The following SLC13A5 variants were observed in gnomAD, a reference collection of about 807,000 sequenced individuals.
SLC13A5 encodes Na(+)/citrate cotransporter.
In SLC13A5, 25 loss-of-function variants were observed where a neutral mutation model predicts 56.5. The ratio of observed to expected loss-of-function variants is 0.44; its 90% confidence interval spans 0.32 to 0.62. SLC13A5 has a LOEUF of 0.62. Ranked by LOEUF, SLC13A5 falls within the 20% of genes least tolerant of loss-of-function variation. The pLI is 0.04. For missense variants in SLC13A5, 649 were observed against 737.8 expected (o/e 0.88, Z 1.39); for synonymous variants, 307 against 301.5 (o/e 1.02, Z -0.19).
intron 9 of SLC13A5, among the ~76,000 whole-genome samples, chr17:6,691,550 T>C (rs1876730): frequency 0.09 from 13,718 of 152,238 alleles, 679 homozygotes; most frequent in African/African-American, 0.12. Flanking sequence ...GGACAGAGCC[T>C]GGGCAGACAC....
At position 6,703,257 on chromosome 17, in the gene SLC13A5, C is replaced by T. The variant is rs16956170; in HGVS notation, c.548-119G>A. The T allele has an allele frequency of 0.11, 134,561 of 1,232,450 alleles. 9,329 individuals are homozygous for T. The highest frequency in any genetic ancestry group is 0.34 in the East Asian group (13,584 of 40,328). 76.3% of individuals were successfully genotyped at this position (1,232,450 alleles called of 1,614,324 possible). ...AATCCCAGCTCTGCTGATTTAGCTG[C>T]CCCACTGGGCTCCATAAGAGTTGCT... On this transcript the variant is annotated intron_variant, in intron 4 of 11. Coordinates refer to ENST00000433363, the MANE Select transcript of SLC13A5 (RefSeq NM_177550.5).
At chr17:6,704,449 G>T in intron 3 of SLC13A5, 1 of 351,142 alleles carries the variant, frequency 2.8e-6, no homozygotes, top group South Asian at 2.2e-5. Flanking sequence ...ATACCCCTAT[G>T]TGCAGGCAGC....
rs1491439101 is a variant in SLC13A5, at chr17:6,711,427, T to TC, written c.102+1804_102+1805insG. On this transcript the variant is annotated intron_variant, in intron 1 of 11. Transcript: ENST00000433363. The surrounding 1 kb of genome is among the most constrained non-coding windows in gnomAD (Gnocchi z 4.0). ...AGCTTAATCTCTCTCTCTCTCTCTC[T>TC]TACACACACACACATACACACACAT... 9.5e-5 allele frequency among the ~76,000 whole-genome samples: 13 copies of TC among 136,330 alleles called. No homozygotes were observed. The highest frequency in any genetic ancestry group is 4.0e-4 in the African/African-American group (13 of 32,482). The allele number at this position is 136,330 out of a possible 152,430, so 89.4% of individuals were successfully genotyped here. A position where few individuals can be genotyped will look rare whatever the true frequency, so the allele number is the denominator to read the frequency against.
chr17:6,691,419 CCA>C (rs1973403317), intron 9 of SLC13A5, among the ~76,000 whole-genome samples: 1 of 152,156 alleles, frequency 6.6e-6, no homozygotes, highest in Non-Finnish European at 1.5e-5. Context: ...CTTCAGTGCT[CCA>C]CAGTTTTGGA....
chr17:6,696,979 G>A (rs72836203), intron 6 of SLC13A5, among the ~76,000 whole-genome samples: 9,958 of 152,212 alleles, frequency 0.065, 396 homozygotes, highest in Non-Finnish European at 0.094. Flanking sequence ...AGGACATCAG[G>A]TCACAGCTTT....
intron 10 of SLC13A5, 39 bp downstream of exon 10, chr17:6,690,740 T>A (rs780288493): frequency 6.2e-7 from 1 of 1,613,894 alleles, no homozygotes; most frequent in Non-Finnish European, 8.5e-7. Context: ...TGTGTTCCTG[T>A]GAAATGGAAG....
At chr17:6,688,333 T>C (rs1973305211) in intron 10 of SLC13A5, 1 of 152,170 alleles carries the variant, frequency 6.6e-6, no homozygotes, top group Non-Finnish European at 1.5e-5. Flanking sequence ...TGGTCACTAA[T>C]AGCAGGATGG....
At position 6,701,041 on chromosome 17, in the gene SLC13A5, C is replaced by G; in HGVS notation, c.802G>C (p.Ala268Pro). Residue 268 changes from alanine (A) to proline (P), a missense_variant, in exon 6 of 12, where the codon GCC (alanine) becomes CCC (proline). Coordinates refer to ENST00000433363, the MANE Select transcript of SLC13A5 (RefSeq NM_177550.5). The surrounding 1 kb of genome is among the most constrained non-coding windows in gnomAD (Gnocchi z 4.1). ...FPNMLVMLLF[A>P]WLWLQFVYMR... ...TAAACAAACTGGAGCCACAGCCAGGCGAACAGCAGCATCACCAGCATGTTG... is the reference window on the plus strand; with the variant it reads ...TAAACAAACTGGAGCCACAGCCAGGGGAACAGCAGCATCACCAGCATGTTG... 2 of 1,614,186 alleles carry G rather than the reference C, an allele frequency of 1.2e-6. No individual in the cohort carries two copies. Among genetic ancestry groups the G allele is most frequent in the Non-Finnish European group, 1.7e-6 (2 of 1,180,032 alleles).
chr17:6,692,749 T>C lies in SLC13A5; in HGVS notation c.1275+295A>G, dbSNP rs1001147167. The C allele has an allele frequency of 1.7e-5, 7 of 408,802 alleles. No homozygotes were observed. The highest frequency in any genetic ancestry group is 4.1e-5 in the African/African-American group (2 of 48,454). 25.3% of individuals were successfully genotyped at this position (408,802 alleles called of 1,614,324 possible). A position where few individuals can be genotyped will look rare whatever the true frequency, so the allele number is the denominator to read the frequency against. ...TCCCTCAGACAAATCAAAGCAGAGA[T>C]TATTGTGATCAAGCCCCAGAGGGTA... On this transcript the variant is annotated intron_variant, in intron 9 of 11. Transcript: ENST00000433363. This position sits in a 1 kb window ranked among gnomAD's most constrained non-coding sequence, Gnocchi z 5.5.
intron 10 of SLC13A5, chr17:6,689,067 A>G (rs933049730): frequency 1.3e-5 from 2 of 152,194 alleles, no homozygotes; most frequent in Non-Finnish European, 2.9e-5. Context: ...TAATTCTGTC[A>G]TACATCATCA....
chr17:6,703,428 T>C (rs1371416484), intron 4 of SLC13A5, among the ~76,000 whole-genome samples: 1 of 152,178 alleles, frequency 6.6e-6, no homozygotes, highest in Non-Finnish European at 1.5e-5. Context: ...AGATGCTGAC[T>C]CGTCTTCCCT....
intron 1 of SLC13A5, among the ~76,000 whole-genome samples, chr17:6,709,685 C>T (rs915096883): frequency 1.3e-5 from 2 of 152,134 alleles, no homozygotes; most frequent in Non-Finnish European, 2.9e-5. Context: ...CCCAGAAGAG[C>T]GTATGTATTA....
At chr17:6,695,582 G>C (rs1479432059) in intron 7 of SLC13A5, 144 bp downstream of exon 7, 4 of 729,614 alleles carry the variant, frequency 5.5e-6, no homozygotes, top group Non-Finnish European at 2.3e-6. Context: ...GTAGAGACAG[G>C]GTTTCACCAT....
Position 6,702,867 on chromosome 17 carries a change from C to T in SLC13A5, c.716+103G>A, listed in dbSNP as rs1423350171. On this transcript the variant is annotated intron_variant, in intron 5 of 11. Coordinates refer to ENST00000433363, the MANE Select transcript of SLC13A5 (RefSeq NM_177550.5). ...GCTCCCAGGCCAGGTCTGGCTGCCC[C>T]GAGGCTTTCCAGGACTCTGCAGAGG... The T allele has an allele frequency of 2.6e-5, 38 of 1,459,262 alleles. No homozygotes were observed. In the Admixed American group the frequency reaches 5.2e-4, roughly 20 times the overall value. The allele number at this position is 1,459,262 out of a possible 1,614,324, so 90.4% of individuals were successfully genotyped here.
In SLC13A5 at chr17:6,687,769, T is replaced by C. The variant is rs1054421724; in HGVS notation, c.1438-103A>G. The C allele has an allele frequency of 9.4e-6, 13 of 1,378,930 alleles. No individual in the cohort carries two copies. The Admixed American group carries it at 3.2e-4, about 34-fold the overall frequency. The allele number at this position is 1,378,930 out of a possible 1,614,324, so 85.4% of individuals were successfully genotyped here. A position where few individuals can be genotyped will look rare whatever the true frequency, so the allele number is the denominator to read the frequency against. ...TGAATGTGCCGGGTACGTTTGAACCTCTGTGCCTCAGTCTTGGTTCCTCTC... is the reference window on the plus strand; with the variant it reads ...TGAATGTGCCGGGTACGTTTGAACCCCTGTGCCTCAGTCTTGGTTCCTCTC... On this transcript the variant is annotated intron_variant, in intron 10 of 11. Transcript: ENST00000433363. The surrounding 1 kb of genome is among the most constrained non-coding windows in gnomAD (Gnocchi z 5.0).
At chr17:6,693,207 A>T in intron 8 of SLC13A5, 45 bp from the exon 9 acceptor site, 1 of 955,952 alleles carries the variant, frequency 1.0e-6, no homozygotes, top group Non-Finnish European at 1.6e-6. Context: ...ACACACACAC[A>T]CACACACACA....
Position 6,687,426 on chromosome 17 carries a change from A to G in SLC13A5, c.1575+103T>C. On this transcript the variant is annotated intron_variant, in intron 11 of 11. Coordinates refer to ENST00000433363, the MANE Select transcript of SLC13A5 (RefSeq NM_177550.5). The surrounding 1 kb of genome is among the most constrained non-coding windows in gnomAD (Gnocchi z 5.0). The stretch of plus-strand genomic sequence containing the variant: ...GTCTGGATGTTCCGTGGCATTCCCA[A>G]GTCACATGACATCGTTTTGAAACTC... The G allele has an allele frequency of 6.6e-7, 1 of 1,524,952 alleles. No homozygotes were observed. Among genetic ancestry groups the G allele is most frequent in the Non-Finnish European group, 9.0e-7 (1 of 1,113,102 alleles). The allele number at this position is 1,524,952 out of a possible 1,614,324, so 94.5% of individuals were successfully genotyped here. A position where few individuals can be genotyped will look rare whatever the true frequency, so the allele number is the denominator to read the frequency against.
At chr17:6,704,415 G>A (rs1166172921) in intron 3 of SLC13A5, 3 of 402,812 alleles carry the variant, frequency 7.4e-6, no homozygotes, top group Non-Finnish European at 1.5e-5. Context: ...AACTCAATAT[G>A]AGCTTGCCCT....
rs151050636 is a variant in SLC13A5 at position 6,694,187 on chromosome 17, C to T, written c.1066G>A (p.Asp356Asn). The T allele has an allele frequency of 3.7e-6, 6 of 1,608,728 alleles. No individual in the cohort carries two copies. Among genetic ancestry groups the T allele is most frequent in the African/African-American group, 2.7e-5 (2 of 74,754 alleles). ...GCCACAAAGATGGCCACAGTGGCAT[C>T]GGAGACATACCTAGGTGGGGAAAAG... ...WVEGETKYVS[D>N]ATVAIFVATL... The change falls in exon 8 of 12, where the codon GAT becomes AAT. Residue 356 changes from aspartate (D) to asparagine (N), a missense_variant. Asp to Asn is a conservative substitution (Grantham distance 23, BLOSUM62 1). Coordinates refer to ENST00000433363, the MANE Select transcript of SLC13A5 (RefSeq NM_177550.5).
Sources: gnomAD v4.1 joint callset for allele counts (sites outside exome capture counted in the v4.1 genomes callset) on GRCh38, gnomAD v4.1.1 for gene constraint, Gnocchi (gnomAD v3.1) non-coding constraint, MANE v1.5 for transcripts, NCBI Gene and HGNC (gene_info 2026-07-23, HGNC 2026-07-21) for gene names.